The following HDAC9 variants were observed in gnomAD, a reference collection of about 807,000 sequenced individuals.
HDAC9 encodes histone deacetylase 9, also known as MEF-2 interacting transcription repressor (MITR) protein.
In HDAC9, 41 loss-of-function variants were observed where a neutral mutation model predicts 139.4. The ratio of observed to expected loss-of-function variants is 0.29; its 90% confidence interval spans 0.23 to 0.38. The LOEUF is 0.38. HDAC9 is among the 10% of genes least tolerant of loss of function. HDAC9 has a pLI of 1.00. For missense variants in HDAC9, 1,147 were observed against 1,297.0 expected (o/e 0.88, Z 1.78); for synonymous variants, 517 against 476.2 (o/e 1.09, Z -1.12).
At chr7:18,679,073 C>G (rs144987226) in intron 12 of HDAC9, among the ~76,000 whole-genome samples, 8 of 151,978 alleles carry the variant, frequency 5.3e-5, no homozygotes, top group African/African-American at 1.4e-4. Context: ...TAGTAAAGAT[C>G]TGAAAAAATA....
intron 21 of HDAC9, among the ~76,000 whole-genome samples, chr7:18,862,098 C>T (rs184087884): frequency 6.6e-6 from 1 of 152,088 alleles, no homozygotes; most frequent in East Asian, 1.9e-4. Flanking sequence ...TTTGTTCTTG[C>T]AGTGAAATAG....
At chr7:18,566,396 A>C (rs1257947841) in intron 2 of HDAC9, among the ~76,000 whole-genome samples, 1 of 152,180 alleles carries the variant, frequency 6.6e-6, no homozygotes, top group East Asian at 1.9e-4. Context: ...CTTTCTTTAC[A>C]TCAGAATCTA....
At chr7:18,230,848 C>A (rs1310062567) in intron 2 of HDAC9, among the ~76,000 whole-genome samples, 1 of 152,160 alleles carries the variant, frequency 6.6e-6, no homozygotes, top group African/African-American at 2.4e-5. Context: ...TGCGTTCCAA[C>A]AACATAATTA....
At chr7:18,590,566 A>C (rs1317651865) in intron 4 of HDAC9, 80 bp downstream of exon 4, 2 of 1,397,408 alleles carry the variant, frequency 1.4e-6, no homozygotes, top group African/African-American at 1.5e-5. Flanking sequence ...CCTGATAAAG[A>C]GTGCGGTTAG....
intron 2 of HDAC9, among the ~76,000 whole-genome samples, chr7:18,531,674 T>G (rs1002793835): frequency 2.8e-4 from 42 of 152,252 alleles, no homozygotes; most frequent in African/African-American, 9.1e-4. Flanking sequence ...AAAAATCCTC[T>G]GTTCCTTTCA....
upstream of HDAC9, among the ~76,000 whole-genome samples, chr7:18,289,090 G>A (rs1354225834): frequency 6.6e-6 from 1 of 152,168 alleles, no homozygotes; most frequent in Non-Finnish European, 1.5e-5. Flanking sequence ...ACTAAAGCCA[G>A]AGTCATGACT....
chr7:18,805,995 T>TAC (rs1439218850), intron 17 of HDAC9, among the ~76,000 whole-genome samples: 1 of 152,116 alleles, frequency 6.6e-6, no homozygotes, highest in Non-Finnish European at 1.5e-5. Flanking sequence ...ATCCTGTGGG[T>TAC]CAGCTGAGGA....
At chr7:18,230,042 T>G (rs1793343277) in intron 2 of HDAC9, among the ~76,000 whole-genome samples, 1 of 152,228 alleles carries the variant, frequency 6.6e-6, no homozygotes, top group Non-Finnish European at 1.5e-5. Context: ...TTAAGTTTAG[T>G]GTTTATAAGA....
chr7:18,676,946 C>T (rs986286871), intron 12 of HDAC9, among the ~76,000 whole-genome samples: 2 of 151,894 alleles, frequency 1.3e-5, no homozygotes, highest in African/African-American at 2.4e-5. Context: ...CTTTTGTTTA[C>T]ACACAACTTC....
intron 8 of HDAC9, among the ~76,000 whole-genome samples, chr7:18,635,322 C>G (rs1342728730): frequency 6.6e-6 from 1 of 151,934 alleles, no homozygotes; most frequent in Non-Finnish European, 1.5e-5. Flanking sequence ...TGAAGCTTCA[C>G]TGAGCAAACA....
At chr7:18,633,959 T>A (rs761472830) in intron 7 of HDAC9, among the ~76,000 whole-genome samples, 9 of 152,092 alleles carry the variant, frequency 5.9e-5, no homozygotes, top group Non-Finnish European at 1.2e-4. Flanking sequence ...AAAAGGAATT[T>A]CTTGTTATAT....
At chr7:18,438,607 A>G (rs1035393791) in intron 1 of HDAC9, among the ~76,000 whole-genome samples, 9 of 152,016 alleles carry the variant, frequency 5.9e-5, no homozygotes, top group African/African-American at 4.8e-5. Context: ...TGTCCAAGAC[A>G]TGTTGCTAAG....
At chr7:18,102,738 A>G (rs574711663) in intron 1 of HDAC9, among the ~76,000 whole-genome samples, 1 of 152,310 alleles carries the variant, frequency 6.6e-6, no homozygotes, top group Non-Finnish European at 1.5e-5. Flanking sequence ...GCAGCTAAGA[A>G]TTTTAAACCA....
intron 1 of HDAC9, among the ~76,000 whole-genome samples, chr7:18,419,169 TATTGTATGACAAGGAAACAGGA>T (rs1325474897): frequency 6.6e-6 from 1 of 152,238 alleles, no homozygotes; most frequent in Non-Finnish European, 1.5e-5. Flanking sequence ...TATTTCTTTC[TATTGTATGACAAGGAAACAGGA>T]ATTGATTTGG....
intron 2 of HDAC9, among the ~76,000 whole-genome samples, chr7:18,189,942 T>TGTGA (rs1361146565): frequency 6.6e-6 from 1 of 152,106 alleles, no homozygotes; most frequent in African/African-American, 2.4e-5. Context: ...TGTGTGTGTG[T>TGTGA]GTGTGTGTAC....
intron 2 of HDAC9, among the ~76,000 whole-genome samples, chr7:18,193,270 A>G (rs926649796): frequency 3.0e-4 from 46 of 152,142 alleles, no homozygotes; most frequent in African/African-American, 1.0e-3. Flanking sequence ...TGGAACAATA[A>G]TCTAATACAT....
intron 1 of HDAC9, among the ~76,000 whole-genome samples, chr7:18,440,354 T>C (rs1025125724): frequency 2.0e-5 from 3 of 151,998 alleles, no homozygotes; most frequent in Non-Finnish European, 2.9e-5. Flanking sequence ...CTGGCTAATT[T>C]TTGTATTTTT....
At chr7:18,171,645 T>C (rs145336536) in intron 2 of HDAC9, among the ~76,000 whole-genome samples, 6,493 of 152,298 alleles carry the variant, frequency 0.043, 185 homozygotes, top group Non-Finnish European at 0.065. Flanking sequence ...ATTGAGAATT[T>C]TTAGCATGAA....
chr7:18,124,821 A>G (rs1445616187), intron 1 of HDAC9, among the ~76,000 whole-genome samples: 2 of 151,458 alleles, frequency 1.3e-5, no homozygotes, highest in African/African-American at 2.4e-5. Context: ...ACCTCACTGC[A>G]TTTTTCTTAC....
Sources: allele counts gnomAD v4.1 joint callset (sites outside exome capture counted in the v4.1 genomes callset), GRCh38; gene constraint gnomAD v4.1.1; transcripts MANE v1.5; gene names NCBI Gene and HGNC (gene_info 2026-07-23, HGNC 2026-07-21).